The following CCDC12 variants were observed in gnomAD, a reference collection of about 807,000 sequenced individuals.
CCDC12 encodes the protein coiled-coil domain-containing protein 12.
In CCDC12, 28 loss-of-function variants were observed where a neutral mutation model predicts 25.7. The observed-to-expected ratio is 1.09, with a 90% CI of 0.81 to 1.50. CCDC12 has a LOEUF of 1.50. Among genes scored for constraint, CCDC12 ranks in the 40% most tolerant of loss-of-function variants. CCDC12 has a pLI of 0.00. For synonymous variants in CCDC12, 75 were observed against 87.7 expected (o/e 0.86, Z 0.81); for missense variants, 198 against 210.0 (o/e 0.94, Z 0.35).
At chr3:46,948,465 C>G (rs531116985) in intron 1 of CCDC12, among the ~76,000 whole-genome samples, 1 of 152,300 alleles carries the variant, frequency 6.6e-6, no homozygotes, top group Admixed American at 6.5e-5. Flanking sequence ...CAGGGAGGAG[C>G]AGAAACAACT....
chr3:46,933,470 G>A (rs761143402), intron 2 of CCDC12, among the ~76,000 whole-genome samples: 1 of 152,204 alleles, frequency 6.6e-6, no homozygotes, highest in Non-Finnish European at 1.5e-5. Context: ...CTTATAAGCA[G>A]CCAACGGCTG....
At chr3:46,970,728 A>G (rs573205892) in intron 1 of CCDC12, among the ~76,000 whole-genome samples, 1 of 152,208 alleles carries the variant, frequency 6.6e-6, no homozygotes, top group Non-Finnish European at 1.5e-5. Flanking sequence ...CAAGTTAATC[A>G]TCACCTTTAG....
upstream of CCDC12, among the ~76,000 whole-genome samples, chr3:46,979,253 G>A (rs541548937): frequency 2.6e-5 from 4 of 152,232 alleles, no homozygotes; most frequent in Non-Finnish European, 4.4e-5. Context: ...AACAGCTAGA[G>A]CTCAAAAGTT....
intron 2 of CCDC12, among the ~76,000 whole-genome samples, chr3:46,937,206 T>G (rs2033481801): frequency 6.6e-6 from 1 of 152,158 alleles, no homozygotes; most frequent in African/African-American, 2.4e-5. Flanking sequence ...TGTCTGTTCA[T>G]GCCTCCCCAA....
chr3:46,925,286 T>C (rs1430300235), intron 3 of CCDC12, 170 bp downstream of exon 3: 1 of 717,520 alleles, frequency 1.4e-6, no homozygotes. Context: ...CCTCTGCTGC[T>C]GCCGAAGGCC....
Position 46,925,549 on chromosome 3 carries a change from G to C in CCDC12, c.165-14C>G, listed in dbSNP as rs761917853. On this transcript the variant is annotated splice_polypyrimidine_tract_variant and intron_variant, in intron 2 of 6. Coordinates refer to ENST00000683445, the MANE Select transcript of CCDC12 (RefSeq NM_001277074.2). ...AGCCTAAGTTCCCTGCAAGAATAGA[G>C]GGAACAAGCAGAGATGAAGTCAGTG... 18 of 1,553,308 alleles carry C rather than the reference G, an allele frequency of 1.2e-5. No homozygotes were observed. The highest frequency in any genetic ancestry group is 1.5e-5 in the Non-Finnish European group (17 of 1,143,334).
chr3:46,958,592 C>A (rs2034370966), intron 1 of CCDC12, among the ~76,000 whole-genome samples: 1 of 152,166 alleles, frequency 6.6e-6, no homozygotes, highest in African/African-American at 2.4e-5. Context: ...CTGGAACAAA[C>A]GCATCCAGCA....
intron 1 of CCDC12, among the ~76,000 whole-genome samples, chr3:46,964,173 C>G (rs1264919445): frequency 7.0e-6 from 1 of 143,850 alleles, no homozygotes; most frequent in East Asian, 2.0e-4. Context: ...GGAGCCCCTC[C>G]GCCTGGCAGC....
intron 2 of CCDC12, among the ~76,000 whole-genome samples, chr3:46,931,036 G>C (rs143823466): frequency 6.6e-6 from 1 of 152,316 alleles, no homozygotes; most frequent in East Asian, 1.9e-4. Context: ...GGGTAGCCTG[G>C]GGCTCTCTGA....
chr3:46,923,761 A>G (rs1223873739), intron 3 of CCDC12, 93 bp from the exon 4 acceptor site: 1 of 1,098,182 alleles, frequency 9.1e-7, no homozygotes, highest in South Asian at 2.2e-5. Flanking sequence ...GAGAGACGGG[A>G]CCCCAGGCTT....
At chr3:46,975,526 CTTTTTT>C (rs3028814) in intron 1 of CCDC12, among the ~76,000 whole-genome samples, 1 of 82,552 alleles carries the variant, frequency 1.2e-5, no homozygotes. Context: ...TAAATCTTTT[CTTTTTT>C]TTTTTTTTTT....
intron 1 of CCDC12, among the ~76,000 whole-genome samples, chr3:46,973,165 A>C (rs2034857252): frequency 6.7e-6 from 1 of 149,052 alleles, no homozygotes; most frequent in Non-Finnish European, 1.5e-5. Flanking sequence ...GACCAGCCTG[A>C]CCAACATGGT....
chr3:46,962,799 C>T (rs2034502899), intron 1 of CCDC12, among the ~76,000 whole-genome samples: 1 of 152,178 alleles, frequency 6.6e-6, no homozygotes, highest in Non-Finnish European at 1.5e-5. Flanking sequence ...AGCCATTTTG[C>T]AAAAGTGTTT....
At chr3:46,968,608 T>C (rs532281536) in intron 1 of CCDC12, among the ~76,000 whole-genome samples, 8 of 152,292 alleles carry the variant, frequency 5.3e-5, no homozygotes, top group Middle Eastern at 6.8e-3. Flanking sequence ...CTGAGTACCA[T>C]AGATGCGATT....
intron 1 of CCDC12, among the ~76,000 whole-genome samples, chr3:46,947,796 G>A (rs1052925363): frequency 1.3e-5 from 2 of 152,226 alleles, no homozygotes; most frequent in African/African-American, 4.8e-5. Context: ...GAGTGCACAG[G>A]AGCGGGGAAA....
Position 46,942,120 on chromosome 3 carries a change from T to C in CCDC12, c.97-1055A>G, listed in dbSNP as rs563361666. ...GGGCCACAACAGAAGGAAACTGCCA[T>C]ACTGCTTCCACCTGAAGCAGAAAAT... On this transcript the variant is annotated intron_variant, in intron 1 of 6. Transcript: ENST00000683445. 5.3e-5 allele frequency among the ~76,000 whole-genome samples: 8 copies of C among 152,374 alleles called. No homozygotes were observed. The East Asian group carries it at 1.5e-3, about 29-fold the overall frequency.
chr3:46,948,718 C>T (rs2034000831), intron 1 of CCDC12, among the ~76,000 whole-genome samples: 1 of 152,252 alleles, frequency 6.6e-6, no homozygotes, highest in South Asian at 2.1e-4. Context: ...CCATATGGCA[C>T]CTCAAGGGCC....
At chr3:46,944,558 C>A (rs2033833010) in intron 1 of CCDC12, among the ~76,000 whole-genome samples, 2 of 151,938 alleles carry the variant, frequency 1.3e-5, no homozygotes, top group Non-Finnish European at 2.9e-5. Flanking sequence ...ACCCCCACTC[C>A]CCACTCAATA....
At chr3:46,933,653 G>A (rs1252269064) in intron 2 of CCDC12, among the ~76,000 whole-genome samples, 1 of 152,182 alleles carries the variant, frequency 6.6e-6, no homozygotes, top group Non-Finnish European at 1.5e-5. Flanking sequence ...CCACCTGAAA[G>A]CCCATAGCTA....
Sources: allele counts gnomAD v4.1 joint callset (sites outside exome capture counted in the v4.1 genomes callset), GRCh38; gene constraint gnomAD v4.1.1; transcripts MANE v1.5; gene names NCBI Gene and HGNC (gene_info 2026-07-23, HGNC 2026-07-21).